IL13RA2: variants seen among roughly 807,000 people sequenced by gnomAD.
IL13RA2 encodes interleukin-13 receptor subunit alpha-2.
A neutral mutation model predicts 34.1 loss-of-function variants in IL13RA2; 25 were observed. The ratio of observed to expected loss-of-function variants is 0.73; its 90% confidence interval spans 0.53 to 1.03. The LOEUF is 1.03. Among genes scored for constraint, IL13RA2 ranks in the 50% least tolerant of loss-of-function variants. The pLI is 0.00. For synonymous variants in IL13RA2, 106 were observed against 100.4 expected (o/e 1.06, Z -0.33); for missense variants, 297 against 280.9 (o/e 1.06, Z -0.41).
intron 1 of IL13RA2, 38 bp from the exon 2 acceptor site, chrX:115,017,340 C>T (rs1346538478): frequency 3.5e-6 from 2 of 576,198 alleles, no homozygotes; most frequent in East Asian, 3.4e-5. Context: ...CTTTATCTTA[C>T]ATCAAATAAT....
At position 115,005,190 on chromosome X, in the gene IL13RA2, A is replaced by G. The variant is rs372977708; in HGVS notation, c.1116+7T>C. 96 of 766,143 alleles carry G rather than the reference A, an allele frequency of 1.3e-4. No homozygotes were observed. The highest frequency in any genetic ancestry group is 1.9e-4 in the Non-Finnish European group (94 of 488,777). The allele number at this position is 766,143 out of a possible 1,213,427, so 63.1% of individuals were successfully genotyped here. A position where few individuals can be genotyped will look rare whatever the true frequency, so the allele number is the denominator to read the frequency against. On this transcript the variant is annotated splice_region_variant and intron_variant, in intron 9 of 9. Transcript: ENST00000243213. ...CAGGCTAAACATCATAATGTTACAC[A>G]TCTTACCATTTTTGGGTAGGTGTTT...
intron 8 of IL13RA2, among the ~76,000 whole-genome samples, chrX:115,006,096 T>C (rs2071684073): frequency 9.0e-6 from 1 of 111,675 alleles, no homozygotes; most frequent in African/African-American, 3.3e-5. Context: ...TAGAAAATTA[T>C]CAGTCAAATT....
Position 115,017,187 on chromosome X carries a change from G to T in IL13RA2, c.83C>A (p.Thr28Asn). 1 of 819,371 alleles carries T rather than the reference G, an allele frequency of 1.2e-6. No homozygotes were observed. The highest frequency in any genetic ancestry group is 1.8e-6 in the Non-Finnish European group (1 of 543,599). The allele number at this position is 819,371 out of a possible 1,213,427, so 67.5% of individuals were successfully genotyped here. A position where few individuals can be genotyped will look rare whatever the true frequency, so the allele number is the denominator to read the frequency against. The change falls in exon 2 of 10, where the codon ACC becomes AAC. Residue 28 changes from threonine to asparagine, a missense_variant. Coordinates refer to ENST00000243213, the MANE Select transcript of IL13RA2 (RefSeq NM_000640.3). Reference protein sequence around the residue: ...TTFGCTSSSDTEIKVNPPQDF... With the variant: ...TTFGCTSSSDNEIKVNPPQDF... ...TAAAATCCATTTACCTTTTATCTCGGTGTCTGAAGATGAAGTACAGCCAAA... is the reference window on the plus strand; with the variant it reads ...TAAAATCCATTTACCTTTTATCTCGTTGTCTGAAGATGAAGTACAGCCAAA...
At chrX:115,005,352 G>A (rs1489929711) in intron 8 of IL13RA2, 37 bp from the exon 9 acceptor site, 5 of 646,333 alleles carry the variant, frequency 7.7e-6, no homozygotes, top group Non-Finnish European at 1.3e-5. Context: ...GGAAGTGTTA[G>A]ACATTTGCCA....
rs930870456 is a variant in IL13RA2 at position 115,012,164 on chromosome X, T to C, written c.522-1336A>G. On this transcript the variant is annotated intron_variant, in intron 5 of 9. Transcript: ENST00000243213. ...TATTATTTTCTAAAGAAAGATGCCA[T>C]GATAATTTGGAACTAGAACTCACCA... 3.6e-5 allele frequency among the ~76,000 whole-genome samples: 4 copies of C among 112,243 alleles called. No homozygotes were observed. In the Admixed American group the frequency reaches 3.8e-4, roughly 11 times the overall value.
At chrX:115,010,130 A>G (rs1556508538) in intron 6 of IL13RA2, among the ~76,000 whole-genome samples, 1 of 111,555 alleles carries the variant, frequency 9.0e-6, no homozygotes, top group Non-Finnish European at 1.9e-5. Flanking sequence ...TCATGTTACT[A>G]CTAAGGAAAT....
chrX:115,015,581 A>G, intron 3 of IL13RA2, 89 bp downstream of exon 3: 1 of 788,499 alleles, frequency 1.3e-6, no homozygotes, highest in Non-Finnish European at 1.9e-6. Flanking sequence ...AACTATTGAG[A>G]TATGGGAATT....
At chrX:115,016,137 G>T (rs1017959593) in intron 2 of IL13RA2, among the ~76,000 whole-genome samples, 2 of 109,136 alleles carry the variant, frequency 1.8e-5, no homozygotes, top group Admixed American at 9.7e-5. Flanking sequence ...GGTTGGTAGG[G>T]GCTGGAGGGA....
At chrX:115,008,883 A>G (rs1002531608) in intron 7 of IL13RA2, among the ~76,000 whole-genome samples, 9 of 112,072 alleles carry the variant, frequency 8.0e-5, no homozygotes, top group Admixed American at 2.9e-4. Flanking sequence ...TTTGATTGTA[A>G]GTGAATTTAC....
chrX:115,013,972 C>T (rs1253166986), intron 4 of IL13RA2, 83 bp from the exon 5 acceptor site: 9 of 627,175 alleles, frequency 1.4e-5, no homozygotes, highest in African/African-American at 4.4e-5. Context: ...TACTTCATTT[C>T]CTATGACCTC....
chrX:115,011,338 A>C (rs1174787722), intron 5 of IL13RA2, among the ~76,000 whole-genome samples: 1 of 111,937 alleles, frequency 8.9e-6, no homozygotes, highest in Non-Finnish European at 1.9e-5. Context: ...CAGAAAAGCC[A>C]ACTGTAGGAG....
intron 2 of IL13RA2, 141 bp downstream of exon 2, chrX:115,017,035 G>T: frequency 2.3e-6 from 1 of 439,080 alleles, no homozygotes; most frequent in East Asian, 4.1e-5. Context: ...TGAACTTCCT[G>T]AAATAGTTTC....
At chrX:115,010,883 A>G (rs2071703539) in intron 5 of IL13RA2, 55 bp from the exon 6 acceptor site, 2 of 535,501 alleles carry the variant, frequency 3.7e-6, no homozygotes, top group Non-Finnish European at 2.9e-6. Context: ...TTCCAGTATC[A>G]AGGCACTTCA....
chrX:115,014,441 G>C lies in IL13RA2; in HGVS notation c.380C>G (p.Thr127Ser). ...SEVQSSWAETTYWISPQGIPE... is the reference protein window; with the variant it reads ...SEVQSSWAETSYWISPQGIPE... ...TTAACCTTGTGGTGATATCCAATAA[G>C]TAGTTTCTGCCCAGGAACTTTGAAC... The change falls in exon 4 of 10, where the codon ACT becomes AGT. Residue 127 changes from threonine to serine, a missense_variant. Thr to Ser is a moderately conservative substitution (Grantham distance 58). Coordinates refer to ENST00000243213, the MANE Select transcript of IL13RA2 (RefSeq NM_000640.3). 2.5e-6 allele frequency: 3 copies of C among 1,191,057 alleles called. No individual in the cohort carries two copies. The highest frequency in any genetic ancestry group is 3.4e-6 in the Non-Finnish European group (3 of 879,847).
intron 7 of IL13RA2, 89 bp downstream of exon 7, chrX:115,009,432 G>A (rs958311988): frequency 9.8e-6 from 7 of 714,876 alleles, no homozygotes; most frequent in African/African-American, 6.4e-5. Context: ...TGTCCCTCAC[G>A]TGGATGCAAC....
chrX:115,005,040 G>T (rs2071679385), intron 9 of IL13RA2, 157 bp downstream of exon 9: 1 of 401,107 alleles, frequency 2.5e-6, no homozygotes, highest in Non-Finnish European at 4.4e-6. Context: ...AAAAATTGCT[G>T]TATTTTCTGA....
At chrX:115,015,229 C>T (rs2071721550) in intron 3 of IL13RA2, among the ~76,000 whole-genome samples, 1 of 111,371 alleles carries the variant, frequency 9.0e-6, no homozygotes, top group East Asian at 2.8e-4. Flanking sequence ...TCATTGAGCT[C>T]TTACTACAAT....
chrX:115,009,477 A>G (rs782447086), intron 7 of IL13RA2, 44 bp downstream of exon 7: 1 of 1,080,290 alleles, frequency 9.3e-7, no homozygotes. Context: ...TTTTATTTAA[A>G]AGGCTGTAGT....
intron 4 of IL13RA2, among the ~76,000 whole-genome samples, 187 bp from the exon 5 acceptor site, chrX:115,014,076 A>G (rs900949737): frequency 8.9e-6 from 1 of 112,036 alleles, no homozygotes; most frequent in Non-Finnish European, 1.9e-5. Flanking sequence ...AAACCAAAAA[A>G]CATTTGAGGG....
Sources: gnomAD v4.1 joint callset for allele counts (sites outside exome capture counted in the v4.1 genomes callset) on GRCh38, gnomAD v4.1.1 for gene constraint, MANE v1.5 for transcripts, NCBI Gene and HGNC (gene_info 2026-07-23, HGNC 2026-07-21) for gene names.